Variants in CEP131 observed in about 807,000 individuals in gnomAD.
CEP131 encodes the protein centrosomal protein 131.
Under a neutral mutation model 136.8 loss-of-function variants are expected in CEP131, and 99 were observed. The observed-to-expected ratio is 0.72, with a 90% confidence interval of 0.62 to 0.86. The LOEUF is 0.86. Ranked by LOEUF, CEP131 falls within the 40% of genes least tolerant of loss-of-function variation. The probability of loss-of-function intolerance (pLI) is 0.00; values close to 1 mark genes in which losing one functional copy is unlikely to be tolerated. For missense variants in CEP131, 1,459 were observed against 1,463.0 expected, an observed-to-expected ratio of 1.00 and a Z score of 0.04; for synonymous variants, 646 against 612.7, an observed-to-expected ratio of 1.05 and a Z score of -0.80.
At chr17:81,197,956 G>A (rs1381211176) in intron 12 of CEP131, 68 bp from the exon 13 acceptor site, 3 of 1,561,934 alleles carry the variant, frequency 1.9e-6, no homozygotes, top group Non-Finnish European at 2.6e-6. Flanking sequence ...CCCAAAGGCA[G>A]AGGTGGCAGC....
chr17:81,214,048 G>A (rs1242467916), intron 2 of CEP131, among the ~76,000 whole-genome samples: 1 of 152,214 alleles, frequency 6.6e-6, no homozygotes, highest in African/African-American at 2.4e-5. Context: ...CAAAAATCAT[G>A]TGGGATCCTG....
intron 13 of CEP131, chr17:81,197,348 C>T (rs1258965100): frequency 3.7e-6 from 2 of 539,472 alleles, no homozygotes; most frequent in Non-Finnish European, 3.3e-6. Context: ...CTCCATTTAG[C>T]CTGGCCGCTA....
intron 11 of CEP131, 86 bp from the exon 12 acceptor site, chr17:81,198,383 A>G (rs936075172): frequency 3.6e-6 from 5 of 1,381,490 alleles, no homozygotes; most frequent in African/African-American, 2.9e-5. Flanking sequence ...CAGAGCCCCA[A>G]AGGCGCCGCG....
chr17:81,190,461 C>G (rs2061612684), intron 24 of CEP131, among the ~76,000 whole-genome samples, 178 bp downstream of exon 24: 1 of 152,210 alleles, frequency 6.6e-6, no homozygotes, highest in South Asian at 2.1e-4. Flanking sequence ...GGGAGGAAAA[C>G]AGATCTAGGT....
rs534591482 is a variant in CEP131, at chr17:81,189,941, C to A, written c.3142G>T (p.Val1048Leu). The A allele has an allele frequency of 6.2e-6, 10 of 1,611,614 alleles. No individual in the cohort carries two copies. The South Asian group carries it at 9.9e-5, about 16-fold the overall frequency. The change falls in exon 25 of 26, where the codon GTG (valine) becomes TTG (leucine). Residue 1048 changes from valine to leucine, a missense_variant. Around this residue, in one of 3 missense-constraint regions of CEP131, gnomAD observed 1,026 missense variants for 964.2 expected, o/e 1.06. Transcript: ENST00000450824. ...KTALARKEEA[V>L]SSLRTQHEAA... ...TCATGTTGTGTCCGGAGGCTGCTCA[C>A]GGCCTCCTCCTTCCTCGCGAGGGCT... is the stretch of plus-strand genomic sequence containing the variant.
At chr17:81,198,029 T>G in intron 12 of CEP131, 86 bp downstream of exon 12, 1 of 1,481,712 alleles carries the variant, frequency 6.7e-7, no homozygotes, top group Non-Finnish European at 9.0e-7. Context: ...GGCATCCCCA[T>G]TTTCCCAACC....
At position 81,215,584 on chromosome 17, in the gene CEP131, C is replaced by G. The variant is rs2062228176; in HGVS notation, c.177+4296G>C. On this transcript the variant is annotated intron_variant, in intron 2 of 25. Transcript: ENST00000450824. The surrounding 1 kb of genome is among the most constrained non-coding windows in gnomAD (Gnocchi z 4.1). ...CTGCCACCACGTCCAGCTATTTTTT[C>G]TATTTTTAGTAGAGACGAGGTTTCA... 4.7e-5 allele frequency among the ~76,000 whole-genome samples: 7 copies of G among 149,042 alleles called. No individual in the cohort carries two copies. The South Asian group carries it at 1.5e-3, about 32-fold the overall frequency.
chr17:81,201,653 C>T (rs2061893479), intron 7 of CEP131, among the ~76,000 whole-genome samples: 3 of 152,188 alleles, frequency 2.0e-5, no homozygotes, highest in African/African-American at 7.2e-5. Flanking sequence ...AGTTGTGTGA[C>T]CATCAGCACA....
At chr17:81,202,857 G>C (rs552167946) in intron 6 of CEP131, among the ~76,000 whole-genome samples, 2 of 152,152 alleles carry the variant, frequency 1.3e-5, no homozygotes, top group Admixed American at 1.3e-4. Context: ...CCAGCTACAC[G>C]GGAGGCTGAG....
At chr17:81,218,680 G>T (rs984092960) in intron 2 of CEP131, among the ~76,000 whole-genome samples, 1 of 152,258 alleles carries the variant, frequency 6.6e-6, no homozygotes, top group Non-Finnish European at 1.5e-5. Context: ...TGGTCCAAGG[G>T]TCCGCTACTG....
At chr17:81,218,322 C>T (rs1385014288) in intron 2 of CEP131, among the ~76,000 whole-genome samples, 7 of 152,210 alleles carry the variant, frequency 4.6e-5, no homozygotes, top group South Asian at 2.1e-4. Flanking sequence ...GGATCACGGG[C>T]GTGAGCCACC....
chr17:81,198,901 C>T lies in CEP131; in HGVS notation c.1263G>A (p.Gln421=). 6.3e-7 allele frequency: 1 copy of T among 1,591,850 alleles called. No homozygotes were observed. The highest frequency in any genetic ancestry group is 8.5e-7 in the Non-Finnish European group (1 of 1,170,164). Residue 421 remains glutamine, a synonymous_variant, in exon 11 of 26, where the codon CAG becomes CAA. Transcript: ENST00000450824. ...CCTGCGTCCTGTCCTCTGGAGGCTG[C>T]TGTGGTTCTGGGGATGAGTCGGAGG... ...LPTSDSSPEP[Q]QPPEDRTQDV...
chr17:81,194,993 G>A, intron 16 of CEP131, 21 bp from the exon 17 acceptor site: 4 of 1,594,114 alleles, frequency 2.5e-6, no homozygotes, highest in South Asian at 1.1e-5. Flanking sequence ...AACAGGGCAG[G>A]AGGAAACGAC....
At position 81,189,823 on chromosome 17, in the gene CEP131, G is replaced by C; in HGVS notation, c.3189C>G (p.Asp1063Glu). 1 of 1,611,802 alleles carries C rather than the reference G, an allele frequency of 6.2e-7. No individual in the cohort carries two copies. Among genetic ancestry groups the C allele is most frequent in the Non-Finnish European group, 8.5e-7 (1 of 1,179,516 alleles). Residue 1063 changes from aspartate to glutamate, a missense_variant, in exon 26 of 26, where the codon GAC (aspartate) becomes GAG (glutamate). Asp to Glu is a conservative substitution (Grantham distance 45). Coordinates refer to ENST00000450824, the MANE Select transcript of CEP131 (RefSeq NM_014984.4). The stretch of plus-strand genomic sequence containing the variant: ...GCTGCTCCAGCAGCTCCTCCAGGTG[G>C]TCGGCCCGCTTCACCGCAGCCTGCA... ...TQHEAAVKRA[D>E]HLEELLEQHR...
Position 81,191,234 on chromosome 17 carries a change from C to T in CEP131, c.2724G>A (p.Met908Ile), listed in dbSNP as rs766071135. Reference protein sequence around the residue: ...ELVIHRLEADMALAKEESEKA... With the variant: ...ELVIHRLEADIALAKEESEKA... The stretch of plus-strand genomic sequence containing the variant: ...TCTCACTCTCCTCCTTGGCCAGCGC[C>T]ATGTCGGCCTCCAGCCGGTGAATGA... Residue 908 changes from methionine (M) to isoleucine (I), a missense_variant, in exon 22 of 26, where the codon ATG (methionine) becomes ATA (isoleucine). By Grantham distance (10) the Met-to-Ile change is conservative (BLOSUM62 1). Coordinates refer to ENST00000450824, the MANE Select transcript of CEP131 (RefSeq NM_014984.4). 26 of 1,613,068 alleles carry T rather than the reference C, an allele frequency of 1.6e-5. No homozygotes were observed. Among genetic ancestry groups the T allele is most frequent in the Non-Finnish European group, 1.9e-5 (23 of 1,179,986 alleles).
rs2062350076 is a variant in CEP131 at position 81,219,993 on chromosome 17, GACTCAGGTCCAC to G, written c.52_63del (p.Val18_Ser21del). ...GACACAGGCGGAGGGAGACCTGTCA[GACTCAGGTCCAC>G]ACCTGCTGGGCTGCGCTCCGGGACG... On this transcript the variant is annotated inframe_deletion, in exon 2 of 26. Coordinates refer to ENST00000450824, the MANE Select transcript of CEP131 (RefSeq NM_014984.4). The surrounding 1 kb of genome is among the most constrained non-coding windows in gnomAD (Gnocchi z 4.0). 5 of 1,612,300 alleles carry G rather than the reference GACTCAGGTCCAC, an allele frequency of 3.1e-6. No individual in the cohort carries two copies. The East Asian group carries it at 1.1e-4, about 36-fold the overall frequency.
chr17:81,216,707 G>A (rs1269565540), intron 2 of CEP131, among the ~76,000 whole-genome samples: 7 of 152,216 alleles, frequency 4.6e-5, no homozygotes, highest in Non-Finnish European at 8.8e-5. Flanking sequence ...CAGGCTCACT[G>A]CTCAATGAGC....
intron 15 of CEP131, 84 bp from the exon 16 acceptor site, chr17:81,196,035 G>A (rs1329986622): frequency 2.9e-5 from 34 of 1,178,416 alleles, no homozygotes; most frequent in South Asian, 2.6e-4. Flanking sequence ...CCCAGCCTCC[G>A]AGGGAGGCTA....
rs375537092 is a variant in CEP131, at chr17:81,206,880, C to G, written c.388-9G>C. 2.2e-5 allele frequency: 35 copies of G among 1,611,892 alleles called. No homozygotes were observed. In the African/African-American group the frequency reaches 4.3e-4, roughly 20 times the overall value. On this transcript the variant is annotated splice_polypyrimidine_tract_variant and intron_variant, in intron 4 of 25. Transcript: ENST00000450824. The stretch of plus-strand genomic sequence containing the variant: ...CCCCGGGGCTGGTCATCCTGTCAGA[C>G]AGCTCAGCCCATGACACCGCCCGCA...
Sources: allele counts gnomAD v4.1 joint callset (sites outside exome capture counted in the v4.1 genomes callset), GRCh38; gene constraint gnomAD v4.1.1; regional missense constraint gnomAD v4.1.1; non-coding constraint Gnocchi (gnomAD v3.1); transcripts MANE v1.5; gene names NCBI Gene and HGNC (gene_info 2026-07-23, HGNC 2026-07-21).